USH2A: variants seen among roughly 807,000 people sequenced by gnomAD.
The protein encoded by USH2A is Usher syndrome 2A (autosomal recessive, mild).
A neutral mutation model predicts 538.9 loss-of-function variants in USH2A; 443 were observed. The ratio of observed to expected loss-of-function variants is 0.82; its 90% CI spans 0.76 to 0.89. The LOEUF (loss-of-function observed/expected upper bound fraction) is 0.89, where lower values mean the gene tolerates loss of function less well. Ranked by LOEUF, USH2A falls within the 40% of genes least tolerant of loss-of-function variation. The pLI is 0.00. For synonymous variants in USH2A, 2,413 were observed against 2,273.5 expected (o/e 1.06, Z -1.75); for missense variants, 6,633 against 6,324.8 (o/e 1.05, Z -1.65).
rs541882334 is a variant in USH2A at position 215,693,121 on chromosome 1, T to C, written c.12067-12745A>G. 5.7e-3 allele frequency among the ~76,000 whole-genome samples: 827 copies of C among 145,926 alleles called. 10 individuals carry two copies. Among genetic ancestry groups the C allele is most frequent in the African/African-American group, 0.019 (757 of 39,344 alleles). On this transcript the variant is annotated intron_variant, in intron 61 of 71. Coordinates refer to ENST00000307340, the MANE Select transcript of USH2A (RefSeq NM_206933.4). ...GTGTGTGTGTGTGTGTATGTGTATATATATATATATATACACACACACACA... is the reference window on the plus strand; with the variant it reads ...GTGTGTGTGTGTGTGTATGTGTATACATATATATATATACACACACACACA...
At chr1:216,160,396 C>A (rs2034033167) in intron 21 of USH2A, among the ~76,000 whole-genome samples, 1 of 151,806 alleles carries the variant, frequency 6.6e-6, no homozygotes, top group Admixed American at 6.6e-5. Context: ...TCTTTTTGAG[C>A]CAGGGATATT....
chr1:216,135,779 T>C (rs2033474495), intron 21 of USH2A, among the ~76,000 whole-genome samples: 1 of 152,108 alleles, frequency 6.6e-6, no homozygotes. Context: ...TGTTAAGCCT[T>C]AACAATATAA....
rs778756721 is a variant in USH2A at position 216,325,341 on chromosome 1, C to T, written c.1107G>A (p.Val369=). The change falls in exon 6 of 72, where the codon GTG becomes GTA. Residue 369 remains valine (V), a synonymous_variant. Transcript: ENST00000307340. The stretch of plus-strand genomic sequence containing the variant: ...CATTTTCCAAATCAACTGAAATAGT[C>T]ACTCCTTGATTAAGCTGTGTAATGT... ...FTNITQLNQG[V]TISVDLENGQ... 7 of 1,613,794 alleles carry T rather than the reference C, an allele frequency of 4.3e-6. No homozygotes were observed. The South Asian group carries it at 5.5e-5, about 13-fold the overall frequency.
Position 215,782,903 on chromosome 1 carries a change from AC to A in USH2A, c.10419del (p.Glu3473AspfsTer18), listed in dbSNP as rs1441617156. Reference protein sequence around the residue: ...DVNLKPYMTYEYRISAWNSYG... With the variant: ...DVNLKPYMTYXYRISAWNSYG... ...TAGCTGTTCCAGGCAGAAATCCTGTACTCATATGTCATGTAGGGCTTGAGGT... is the reference window on the plus strand; with the variant it reads ...TAGCTGTTCCAGGCAGAAATCCTGTATCATATGTCATGTAGGGCTTGAGGT... On this transcript the variant is annotated frameshift_variant, in exon 53 of 72. Transcript: ENST00000307340. LOFTEE classifies it high-confidence loss of function. The A allele has an allele frequency of 6.2e-7, 1 of 1,613,632 alleles. No individual in the cohort carries two copies. Among genetic ancestry groups the A allele is most frequent in the Non-Finnish European group, 8.5e-7 (1 of 1,179,866 alleles).
In USH2A at chr1:215,705,150, C is replaced by T. The variant is rs532284016; in HGVS notation, c.12066+22880G>A. On this transcript the variant is annotated intron_variant, in intron 61 of 71. Transcript: ENST00000307340. ...TTTTTTTAAAAACTATTTTATGTAT[C>T]CCTAAGAAAGAGAAAAATATGCTGC... Among the ~76,000 whole-genome samples, 3 of 152,072 alleles carry T rather than the reference C, an allele frequency of 2.0e-5. No individual in the cohort carries two copies. In the South Asian group the frequency reaches 6.2e-4, roughly 32 times the overall value.
intron 13 of USH2A, among the ~76,000 whole-genome samples, chr1:216,243,100 C>A (rs1406005777): frequency 6.6e-6 from 1 of 152,088 alleles, no homozygotes; most frequent in Non-Finnish European, 1.5e-5. Context: ...GGTTAATATC[C>A]TGGGTCAATA....
chr1:215,925,528 C>T (rs897930391), intron 38 of USH2A, among the ~76,000 whole-genome samples: 16 of 151,994 alleles, frequency 1.1e-4, no homozygotes, highest in African/African-American at 3.9e-4. Context: ...AAAGACAAAC[C>T]ATCTGTTTAT....
At chr1:215,867,677 T>G (rs558512345) in intron 43 of USH2A, among the ~76,000 whole-genome samples, 1 of 152,196 alleles carries the variant, frequency 6.6e-6, no homozygotes, top group South Asian at 2.1e-4. Context: ...GATAAACCCC[T>G]AAATTAAATT....
intron 61 of USH2A, among the ~76,000 whole-genome samples, chr1:215,697,222 G>T (rs1175352974): frequency 2.6e-5 from 4 of 151,900 alleles, no homozygotes; most frequent in Non-Finnish European, 2.9e-5. Context: ...GCCTCCCACA[G>T]TGTTAGGATT....
At chr1:216,006,068 T>C (rs1307594662) in intron 32 of USH2A, among the ~76,000 whole-genome samples, 1 of 152,160 alleles carries the variant, frequency 6.6e-6, no homozygotes, top group Non-Finnish European at 1.5e-5. Flanking sequence ...TTTTCAATCA[T>C]AATCCCTTTT....
At chr1:216,411,039 C>T (rs563604419) in intron 3 of USH2A, among the ~76,000 whole-genome samples, 2 of 152,106 alleles carry the variant, frequency 1.3e-5, no homozygotes, top group East Asian at 3.9e-4. Context: ...ATCCTCATCC[C>T]TCATCTCCTG....
chr1:216,386,347 A>G (rs1053758613), intron 3 of USH2A, among the ~76,000 whole-genome samples: 1 of 150,486 alleles, frequency 6.6e-6, no homozygotes, highest in Non-Finnish European at 1.5e-5. Flanking sequence ...AATACAAAAA[A>G]TTTGCTGGTC....
In USH2A at chr1:215,790,179, C is replaced by T. The variant is rs200172376; in HGVS notation, c.10062G>A (p.Val3354=). The part of the protein sequence containing the change: ...SKAHIKKNDP[V]PVKCCETELI... ...GTTCAGTCTCACAGCATTTTACTGG[C>T]ACCGGGTCATTCTTTTTAATATGTG... is the stretch of plus-strand genomic sequence containing the variant. Residue 3354 remains valine (V), a synonymous_variant, in exon 51 of 72, where the codon GTG becomes GTA. Transcript: ENST00000307340. 2.5e-6 allele frequency: 4 copies of T among 1,614,044 alleles called. No individual in the cohort carries two copies. The South Asian group carries it at 3.3e-5, about 13-fold the overall frequency.
At chr1:216,286,655 T>C (rs1009204621) in intron 11 of USH2A, among the ~76,000 whole-genome samples, 2 of 151,954 alleles carry the variant, frequency 1.3e-5, no homozygotes, top group Admixed American at 1.3e-4. Context: ...ACCCCAGAGG[T>C]GGAGGTGGCA....
intron 9 of USH2A, among the ~76,000 whole-genome samples, chr1:216,307,567 C>T (rs570668095): frequency 3.3e-5 from 5 of 152,326 alleles, no homozygotes; most frequent in Non-Finnish European, 5.9e-5. Flanking sequence ...TGTGTCTGCA[C>T]TCCCAGTTCA....
intron 13 of USH2A, among the ~76,000 whole-genome samples, chr1:216,244,163 G>C (rs2035989093): frequency 6.6e-6 from 1 of 152,162 alleles, no homozygotes; most frequent in African/African-American, 2.4e-5. Context: ...CATTGAAAAG[G>C]AGGATTATAC....
intron 71 of USH2A, 137 bp downstream of exon 71, chr1:215,628,677 C>G: frequency 2.3e-6 from 2 of 864,168 alleles, no homozygotes; most frequent in Non-Finnish European, 3.9e-6. Context: ...CATTAGTAAA[C>G]CGGTTGTTAC....
intron 41 of USH2A, among the ~76,000 whole-genome samples, chr1:215,882,559 G>T (rs1009810858): frequency 6.6e-6 from 1 of 152,074 alleles, no homozygotes; most frequent in Non-Finnish European, 1.5e-5. Flanking sequence ...AACATTAATT[G>T]TGGCTCTGTT....
intron 21 of USH2A, among the ~76,000 whole-genome samples, chr1:216,123,950 G>C (rs964265960): frequency 3.0e-4 from 45 of 152,182 alleles, no homozygotes; most frequent in Non-Finnish European, 3.7e-4. Flanking sequence ...CATCTCCTCT[G>C]TTAATGACTC....
Sources: gnomAD v4.1 joint callset for allele counts (sites outside exome capture counted in the v4.1 genomes callset) on GRCh38, gnomAD v4.1.1 for gene constraint, MANE v1.5 for transcripts, NCBI Gene and HGNC (gene_info 2026-07-23, HGNC 2026-07-21) for gene names.